The following OTOGL variants were observed in gnomAD, a reference collection of about 807,000 sequenced individuals.
OTOGL encodes otogelin like.
In OTOGL, 285 loss-of-function variants were observed where a neutral mutation model predicts 318.5. That is an observed-to-expected ratio of 0.89 (90% CI 0.81 to 0.99). The LOEUF is 0.99. OTOGL is among the 50% of genes least tolerant of loss of function. The pLI is 0.00. For synonymous variants in OTOGL, 987 were observed against 936.5 expected, an observed-to-expected ratio of 1.05 and a Z score of -0.99; for missense variants, 2,899 against 2,845.6, an observed-to-expected ratio of 1.02 and a Z score of -0.43.
intron 44 of OTOGL, among the ~76,000 whole-genome samples, chr12:80,350,072 T>G (rs1321755945): frequency 6.6e-6 from 1 of 152,206 alleles, no homozygotes; most frequent in Non-Finnish European, 1.5e-5. Context: ...TCCCATCACT[T>G]CAGTCCCTGG....
intron 30 of OTOGL, among the ~76,000 whole-genome samples, chr12:80,312,518 G>T (rs1022799598): frequency 1.3e-5 from 2 of 152,096 alleles, no homozygotes; most frequent in Non-Finnish European, 2.9e-5. Flanking sequence ...ACCTCTTTGG[G>T]GATCTCAGTG....
At chr12:80,219,113 C>CT (rs1878030032) in intron 5 of OTOGL, among the ~76,000 whole-genome samples, 1 of 151,130 alleles carries the variant, frequency 6.6e-6, no homozygotes, top group Admixed American at 6.6e-5. Flanking sequence ...TGACCCGATT[C>CT]TTTTTTTGTT....
Position 80,217,586 on chromosome 12 carries a change from T to C in OTOGL, c.169-12T>C, listed in dbSNP as rs770562073. On this transcript the variant is annotated splice_polypyrimidine_tract_variant and intron_variant, in intron 4 of 58. Transcript: ENST00000547103. Reference sequence around the variant, plus strand: ...TTTAACTGTATTGCATTCTCATTTCTTTCTTTCAAAGTTTGAAGCTACTTC... The same window carrying C: ...TTTAACTGTATTGCATTCTCATTTCCTTCTTTCAAAGTTTGAAGCTACTTC... The C allele has an allele frequency of 6.0e-6, 9 of 1,506,550 alleles. No homozygotes were observed. The highest frequency in any genetic ancestry group is 5.7e-5 in the Admixed American group (3 of 52,674). The allele number at this position is 1,506,550 out of a possible 1,614,324, so 93.3% of individuals were successfully genotyped here.
intron 1 of OTOGL, among the ~76,000 whole-genome samples, chr12:80,173,976 A>C (rs937858101): frequency 6.6e-6 from 1 of 152,236 alleles, no homozygotes; most frequent in Admixed American, 6.5e-5. Flanking sequence ...GTTCAATTTA[A>C]GAAAACATTG....
At chr12:80,329,473 A>G (rs1887932476) in intron 37 of OTOGL, among the ~76,000 whole-genome samples, 1 of 152,156 alleles carries the variant, frequency 6.6e-6, no homozygotes, top group Non-Finnish European at 1.5e-5. Flanking sequence ...ACATCTAAAA[A>G]CCTAAATTCT....
chr12:80,291,054 A>G (rs750746225), intron 26 of OTOGL, among the ~76,000 whole-genome samples: 9 of 152,138 alleles, frequency 5.9e-5, no homozygotes, highest in Non-Finnish European at 1.3e-4. Context: ...AGCATTTATC[A>G]TTGTCATTTC....
chr12:80,141,826 A>G (rs891692250), intron 1 of OTOGL, among the ~76,000 whole-genome samples: 3 of 152,196 alleles, frequency 2.0e-5, no homozygotes, highest in East Asian at 1.9e-4. Flanking sequence ...GATTTTCTAT[A>G]TAGGTATGTA....
intron 37 of OTOGL, among the ~76,000 whole-genome samples, chr12:80,331,333 A>ATTTTTTTTTTTTTTTTTTTTTTTTTTTT (rs386377119): frequency 6.1e-5 from 5 of 81,816 alleles, no homozygotes; most frequent in African/African-American, 4.8e-5. Flanking sequence ...AGTCATTAGA[A>ATTTTTTTTTTTTTTTTTTTTTTTTTTTT]TTTTTTTTTT....
At chr12:80,237,061 C>G (rs1879932292) in intron 9 of OTOGL, among the ~76,000 whole-genome samples, 1 of 151,942 alleles carries the variant, frequency 6.6e-6, no homozygotes, top group Non-Finnish European at 1.5e-5. Context: ...GTGATCCACC[C>G]ACCTCAGCCT....
Position 80,239,327 on chromosome 12 carries a change from G to A in OTOGL, c.946-6G>A. 2 of 1,581,970 alleles carry A rather than the reference G, an allele frequency of 1.3e-6. No homozygotes were observed. Among genetic ancestry groups the A allele is most frequent in the African/African-American group, 1.4e-5 (1 of 73,484 alleles). Reference sequence around the variant, plus strand: ...AGTCTAGTGACTGCCATCTTTTTTTGCACAGGCAATCTTCTTCAAGTGTCA... The same window carrying A: ...AGTCTAGTGACTGCCATCTTTTTTTACACAGGCAATCTTCTTCAAGTGTCA... On this transcript the variant is annotated splice_region_variant and splice_polypyrimidine_tract_variant and intron_variant, in intron 10 of 58. Coordinates refer to ENST00000547103, the MANE Select transcript of OTOGL (RefSeq NM_001378609.3).
At chr12:80,225,425 A>C (rs577499527) in intron 7 of OTOGL, among the ~76,000 whole-genome samples, 8 of 152,190 alleles carry the variant, frequency 5.3e-5, no homozygotes, top group Admixed American at 5.2e-4. Context: ...CCTTGTTTTG[A>C]GTAGTAAAAT....
intron 1 of OTOGL, among the ~76,000 whole-genome samples, chr12:80,106,610 C>T (rs774108732): frequency 1.8e-4 from 27 of 152,260 alleles, no homozygotes; most frequent in Admixed American, 2.6e-4. Flanking sequence ...ATGAAACATA[C>T]GCACACACAT....
At chr12:80,221,268 C>CTTTT (rs5799457) in intron 6 of OTOGL, among the ~76,000 whole-genome samples, 1 of 137,072 alleles carries the variant, frequency 7.3e-6, no homozygotes, top group Non-Finnish European at 1.6e-5. Flanking sequence ...TCCAGCATAC[C>CTTTT]TTTTTTTTTT....
chr12:80,313,514 T>C lies in OTOGL; in HGVS notation c.3489T>C (p.Asp1163=), dbSNP rs754357295. 1.7e-5 allele frequency: 27 copies of C among 1,612,654 alleles called. No individual in the cohort carries two copies. The highest frequency in any genetic ancestry group is 2.0e-5 in the Non-Finnish European group (24 of 1,178,794). Residue 1163 remains aspartate, a synonymous_variant, in exon 31 of 59, where the codon GAT becomes GAC. Coordinates refer to ENST00000547103, the MANE Select transcript of OTOGL (RefSeq NM_001378609.3). The part of the protein sequence containing the change: ...VTSFAKNCHE[D]TCNCNLGGDC... ...CTTTTGCCAAAAATTGTCATGAAGA[T>C]ACATGTAACTGCAATCTTGGTGGCG...
rs202065692 is a variant in OTOGL, at chr12:80,355,545, GACTAA to G, written c.5594-190_5594-186del. Among the ~76,000 whole-genome samples, 1,504 of 152,054 alleles carry G rather than the reference GACTAA, an allele frequency of 9.9e-3. 20 individuals carry two copies. Among genetic ancestry groups the G allele is most frequent in the African/African-American group, 0.034 (1,397 of 41,472 alleles). ...GACCAGGAAAAAAATATTTTCTGTG[GACTAA>G]GTATAAACTTTCATTAAAGAAAAAT... On this transcript the variant is annotated intron_variant, in intron 46 of 58. Transcript: ENST00000547103.
chr12:80,352,981 A>G (rs1447509261), intron 45 of OTOGL, among the ~76,000 whole-genome samples: 1 of 152,186 alleles, frequency 6.6e-6, no homozygotes, highest in African/African-American at 2.4e-5. Context: ...TATAATTCTG[A>G]GTAGACTGTT....
At chr12:80,342,250 C>G (rs1336139980) in intron 44 of OTOGL, 88 bp downstream of exon 44, 2 of 1,059,002 alleles carry the variant, frequency 1.9e-6, no homozygotes, top group East Asian at 2.6e-5. Flanking sequence ...CTATAATGTT[C>G]TTCTACTGAG....
chr12:80,174,039 C>G (rs184462402), intron 1 of OTOGL, among the ~76,000 whole-genome samples: 82 of 152,290 alleles, frequency 5.4e-4, no homozygotes, highest in African/African-American at 1.8e-3. Context: ...ATAGATTCCA[C>G]AACAGTAAAG....
intron 43 of OTOGL, 32 bp downstream of exon 43, chr12:80,339,296 C>G: frequency 1.2e-5 from 5 of 434,276 alleles, no homozygotes; most frequent in South Asian, 8.9e-5. Flanking sequence ...TTGATTTCGT[C>G]TGTTTTTTTT....
Sources: allele counts gnomAD v4.1 joint callset (sites outside exome capture counted in the v4.1 genomes callset), GRCh38; gene constraint gnomAD v4.1.1; transcripts MANE v1.5; gene names NCBI Gene and HGNC (gene_info 2026-07-23, HGNC 2026-07-21).